Variants in PPARGC1A observed in about 807,000 individuals in gnomAD.
PPARGC1A encodes PPARG coactivator 1 alpha, also known as peroxisome proliferator-activated receptor gamma coactivator 1-alpha.
PPARGC1A carries 25 observed loss-of-function variants against 88.7 expected under a neutral mutation model. That is an observed-to-expected ratio of 0.28 (90% CI 0.21 to 0.39). The LOEUF (loss-of-function observed/expected upper bound fraction) is 0.39, where lower values mean the gene tolerates loss of function less well. Among genes scored for constraint, PPARGC1A ranks in the 10% least tolerant of loss-of-function variants. The pLI, the probability that PPARGC1A is intolerant of heterozygous loss-of-function variation, is 1.00. For missense variants in PPARGC1A, 880 were observed against 968.7 expected, an observed-to-expected ratio of 0.91 and a Z score of 1.22; for synonymous variants, 363 against 355.6, an observed-to-expected ratio of 1.02 and a Z score of -0.24.
chr4:24,207,409 TAG>T, the PPARGC1A span, among the ~76,000 whole-genome samples: 1 of 152,228 alleles, frequency 6.6e-6, no homozygotes, highest in African/African-American at 2.4e-5. Context: ...CTGAAAATTA[TAG>T]GTTTGAAGTG....
chr4:24,209,171 TC>T, the PPARGC1A span, among the ~76,000 whole-genome samples: 1 of 152,138 alleles, frequency 6.6e-6, no homozygotes, highest in South Asian at 2.1e-4. Flanking sequence ...CAGCTAGACC[TC>T]CGTTCTGGTT....
chr4:23,824,600 G>C (rs1172382696), intron 5 of PPARGC1A, 92 bp from the exon 6 acceptor site: 19 of 1,128,626 alleles, frequency 1.7e-5, no homozygotes, highest in Non-Finnish European at 2.4e-5. Context: ...AAAACAACCA[G>C]AAAACTCAAA....
At chr4:24,222,987 T>A in the PPARGC1A span, among the ~76,000 whole-genome samples, 1 of 152,138 alleles carries the variant, frequency 6.6e-6, no homozygotes, top group Admixed American at 6.5e-5. Context: ...TAATACCTAA[T>A]GCTGGCAGAG....
chr4:23,963,399 C>A, the PPARGC1A span, among the ~76,000 whole-genome samples: 7 of 152,316 alleles, frequency 4.6e-5, no homozygotes, highest in East Asian at 1.2e-3. Flanking sequence ...CCCGGATGAA[C>A]TTTCAGAGTG....
At chr4:24,379,785 T>A in the PPARGC1A span, among the ~76,000 whole-genome samples, 1 of 151,230 alleles carries the variant, frequency 6.6e-6, no homozygotes, top group African/African-American at 2.4e-5. Context: ...TAAATTCTTT[T>A]TTTTTTTTTT....
chr4:23,934,539 G>T, the PPARGC1A span, among the ~76,000 whole-genome samples: 1 of 152,166 alleles, frequency 6.6e-6, no homozygotes, highest in Non-Finnish European at 1.5e-5. Context: ...TGTAATCTGT[G>T]GAATGATGGA....
At chr4:24,424,007 A>G in the PPARGC1A span, among the ~76,000 whole-genome samples, 1 of 152,224 alleles carries the variant, frequency 6.6e-6, no homozygotes, top group African/African-American at 2.4e-5. Flanking sequence ...TACAGTATTT[A>G]AAACTAACTG....
chr4:24,031,015 T>G, the PPARGC1A span, among the ~76,000 whole-genome samples: 25 of 152,220 alleles, frequency 1.6e-4, no homozygotes, highest in Middle Eastern at 0.02. Flanking sequence ...GAGGAGTCTC[T>G]GAGCTGGGTC....
At chr4:24,053,526 G>C in the PPARGC1A span, among the ~76,000 whole-genome samples, 1 of 152,078 alleles carries the variant, frequency 6.6e-6, no homozygotes, top group Admixed American at 6.6e-5. Flanking sequence ...GTCAGACAGA[G>C]TCCATCTACC....
chr4:24,380,460 T>C, the PPARGC1A span, among the ~76,000 whole-genome samples: 1 of 152,190 alleles, frequency 6.6e-6, no homozygotes. Flanking sequence ...CCTTGATTAC[T>C]GTAGGAAAGA....
At chr4:24,443,722 AT>A in the PPARGC1A span, among the ~76,000 whole-genome samples, 458 of 143,440 alleles carry the variant, frequency 3.2e-3, 2 homozygotes, top group African/African-American at 8.4e-3. Context: ...TGCCCGGCTA[AT>A]TTTTTTTTTT....
chr4:23,938,608 G>C, the PPARGC1A span, among the ~76,000 whole-genome samples: 7 of 152,258 alleles, frequency 4.6e-5, no homozygotes, highest in Admixed American at 4.6e-4. Context: ...ACAGTGTAAA[G>C]CACCATGAAC....
the PPARGC1A span, among the ~76,000 whole-genome samples, chr4:24,373,428 A>T: frequency 6.6e-6 from 1 of 152,204 alleles, no homozygotes; most frequent in Non-Finnish European, 1.5e-5. Flanking sequence ...ATCAGTGCAT[A>T]TTTAGGCATA....
At chr4:24,322,484 C>A in the PPARGC1A span, among the ~76,000 whole-genome samples, 1 of 152,166 alleles carries the variant, frequency 6.6e-6, no homozygotes, top group Non-Finnish European at 1.5e-5. Context: ...TTTATAACTT[C>A]ACATTTTTCA....
the PPARGC1A span, among the ~76,000 whole-genome samples, chr4:24,125,072 G>C: frequency 6.6e-6 from 1 of 152,006 alleles, no homozygotes; most frequent in Non-Finnish European, 1.5e-5. Flanking sequence ...AAAATATTGG[G>C]TTAGAGAGCC....
In PPARGC1A at chr4:23,795,945, A is replaced by T; in HGVS notation, c.2294-20T>A. 2.6e-6 allele frequency: 4 copies of T among 1,565,500 alleles called. No individual in the cohort carries two copies. The highest frequency in any genetic ancestry group is 3.5e-6 in the Non-Finnish European group (4 of 1,138,254). On this transcript the variant is annotated intron_variant, in intron 12 of 12. Coordinates refer to ENST00000264867, the MANE Select transcript of PPARGC1A (RefSeq NM_013261.5). The stretch of plus-strand genomic sequence containing the variant: ...TTGAATCTGAAAAAAAACACAAGCC[A>T]GTTTAGATACACACTTTGCTGATGG...
intron 7 of PPARGC1A, among the ~76,000 whole-genome samples, chr4:23,817,390 C>T (rs959455493): frequency 6.6e-6 from 1 of 152,146 alleles, no homozygotes; most frequent in African/African-American, 2.4e-5. Flanking sequence ...GGCCATTGAA[C>T]AGACATTCGT....
intron 2 of PPARGC1A, among the ~76,000 whole-genome samples, chr4:23,856,607 C>A (rs1313799800): frequency 6.6e-6 from 1 of 152,160 alleles, no homozygotes; most frequent in Non-Finnish European, 1.5e-5. Flanking sequence ...TCCCTTTAGC[C>A]TCTGTAGAGA....
At chr4:23,812,564 T>A (rs949794520) in intron 10 of PPARGC1A, among the ~76,000 whole-genome samples, 183 bp downstream of exon 10, 2 of 152,164 alleles carry the variant, frequency 1.3e-5, no homozygotes, top group Non-Finnish European at 2.9e-5. Context: ...AAACATTTTG[T>A]TTTCCAATAA....
Sources: gnomAD v4.1 joint callset for allele counts (sites outside exome capture counted in the v4.1 genomes callset) on GRCh38, gnomAD v4.1.1 for gene constraint, MANE v1.5 for transcripts, NCBI Gene and HGNC (gene_info 2026-07-23, HGNC 2026-07-21) for gene names.